HNRNPM: variants seen among roughly 807,000 people sequenced by gnomAD.
HNRNPM encodes CEA receptor.
Under a neutral mutation model 73.1 loss-of-function variants are expected in HNRNPM, and 11 were observed. The ratio of observed to expected loss-of-function variants is 0.15; its 90% confidence interval spans 0.09 to 0.25. The LOEUF is 0.25. HNRNPM is among the 10% of genes least tolerant of loss of function. The pLI, the probability that HNRNPM is intolerant of heterozygous loss-of-function variation, is 1.00. For synonymous variants in HNRNPM, 407 were observed against 355.2 expected, an observed-to-expected ratio of 1.15 and a Z score of -1.64; for missense variants, 789 against 1,067.9, an observed-to-expected ratio of 0.74 and a Z score of 3.64.
At chr19:8,464,852 C>T (rs971999575) in intron 5 of HNRNPM, among the ~76,000 whole-genome samples, 4 of 152,178 alleles carry the variant, frequency 2.6e-5, no homozygotes, top group Admixed American at 2.0e-4. Context: ...CCCTCACACA[C>T]ACGCCTCCAA....
chr19:8,447,763 A>C (rs1169729599), intron 1 of HNRNPM, among the ~76,000 whole-genome samples: 1 of 152,198 alleles, frequency 6.6e-6, no homozygotes, highest in Non-Finnish European at 1.5e-5. Context: ...CCGGCGGCTC[A>C]CGCCTGTAAT....
intron 10 of HNRNPM, among the ~76,000 whole-genome samples, chr19:8,472,136 A>G (rs934953023): frequency 6.7e-6 from 1 of 149,502 alleles, no homozygotes; most frequent in Non-Finnish European, 1.5e-5. Context: ...ACATGACTGC[A>G]CTTCAGCCTG....
chr19:8,448,013 G>A (rs1333446612), intron 1 of HNRNPM, among the ~76,000 whole-genome samples: 2 of 152,192 alleles, frequency 1.3e-5, no homozygotes, highest in Non-Finnish European at 2.9e-5. Flanking sequence ...GCGACAGAGC[G>A]ATACTCCTTC....
chr19:8,485,771 A>G lies in HNRNPM; in HGVS notation c.1343A>G (p.Glu448Gly), dbSNP rs571538784. The G allele has an allele frequency of 1.9e-5, 30 of 1,600,250 alleles. No homozygotes were observed. Among genetic ancestry groups the G allele is most frequent in the Non-Finnish European group, 2.4e-5 (28 of 1,178,298 alleles). The change falls in exon 14 of 16, where the codon GAG becomes GGG. Residue 448 changes from glutamate to glycine, a missense_variant. By Grantham distance (98) the Glu-to-Gly change is moderately conservative. Coordinates refer to ENST00000325495, the MANE Select transcript of HNRNPM (RefSeq NM_005968.5). ...GTCATGGACCGCATGGGCTCCGTGGAGCGCATGGGCTCCGGCATTGAGCGC... is the reference window on the plus strand; with the variant it reads ...GTCATGGACCGCATGGGCTCCGTGGGGCGCATGGGCTCCGGCATTGAGCGC... Reference protein sequence around the residue: ...GLVMDRMGSVERMGSGIERMG... With the variant: ...GLVMDRMGSVGRMGSGIERMG...
At chr19:8,470,338 C>CT (rs1970042916) in intron 9 of HNRNPM, among the ~76,000 whole-genome samples, 1 of 151,974 alleles carries the variant, frequency 6.6e-6, no homozygotes. Context: ...CTTCCTTTTT[C>CT]TTTCTTTTTG....
chr19:8,473,865 G>T (rs1004945479), intron 11 of HNRNPM, among the ~76,000 whole-genome samples, 157 bp downstream of exon 11: 3 of 152,076 alleles, frequency 2.0e-5, no homozygotes, highest in East Asian at 3.9e-4. Flanking sequence ...CTTCCAGCGG[G>T]TGTCTTGGCT....
chr19:8,464,668 C>T (rs1332196772), intron 5 of HNRNPM, among the ~76,000 whole-genome samples: 1 of 152,172 alleles, frequency 6.6e-6, no homozygotes, highest in South Asian at 2.1e-4. Context: ...TTCACCTCTT[C>T]TCTTGGGGAG....
At chr19:8,448,412 T>A (rs6603080) in intron 1 of HNRNPM, among the ~76,000 whole-genome samples, 141,890 of 151,952 alleles carry the variant, frequency 0.93, 67,035 homozygotes, top group South Asian at 1. Context: ...GTTTTTAAAA[T>A]TTTTTTAAAT....
At chr19:8,471,941 G>C (rs1970170475) in intron 10 of HNRNPM, among the ~76,000 whole-genome samples, 1 of 152,178 alleles carries the variant, frequency 6.6e-6, no homozygotes, top group South Asian at 2.1e-4. Context: ...GGGAGGCCGA[G>C]GTGGGCGGAT....
At chr19:8,469,677 G>A (rs17159303) in intron 9 of HNRNPM, among the ~76,000 whole-genome samples, 33,199 of 152,156 alleles carry the variant, frequency 0.22, 4,546 homozygotes, top group East Asian at 0.5. Context: ...TGCATACAGC[G>A]GTGGGACGAC....
At chr19:8,448,809 T>A (rs1295276156) in intron 1 of HNRNPM, among the ~76,000 whole-genome samples, 1 of 152,152 alleles carries the variant, frequency 6.6e-6, no homozygotes, top group East Asian at 1.9e-4. Context: ...TGTGGGTGAA[T>A]AAGAAACAGA....
At chr19:8,453,865 C>G (rs1158862233) in intron 1 of HNRNPM, among the ~76,000 whole-genome samples, 2 of 152,210 alleles carry the variant, frequency 1.3e-5, no homozygotes, top group Admixed American at 1.3e-4. Flanking sequence ...TGGCTGCTAC[C>G]TAGAGATGGT....
At chr19:8,485,580 T>TGTGTTTTGTGTCCCTGTTTCAG in intron 13 of HNRNPM, 23 bp from the exon 14 acceptor site, 1 of 1,587,676 alleles carries the variant, frequency 6.3e-7, no homozygotes, top group Non-Finnish European at 8.6e-7. Flanking sequence ...GACACCCACC[T>TGTGTTTTGTGTCCCTGTTTCAG]GTGTTTTGTG....
chr19:8,474,799 C>G (rs1488065824), intron 12 of HNRNPM, among the ~76,000 whole-genome samples: 2 of 151,716 alleles, frequency 1.3e-5, no homozygotes, highest in East Asian at 1.9e-4. Flanking sequence ...ACTGCAACCT[C>G]CGCCTCCCAG....
intron 7 of HNRNPM, among the ~76,000 whole-genome samples, 159 bp from the exon 8 acceptor site, chr19:8,467,376 C>G (rs373392946): frequency 6.6e-6 from 1 of 152,130 alleles, no homozygotes; most frequent in Non-Finnish European, 1.5e-5. Flanking sequence ...TTTATTGTTC[C>G]TTTTATGTTT....
Position 8,485,773 on chromosome 19 carries a change from C to G in HNRNPM, c.1345C>G (p.Arg449Gly), listed in dbSNP as rs1397210961. ...CATGGACCGCATGGGCTCCGTGGAG[C>G]GCATGGGCTCCGGCATTGAGCGCAT... ...LVMDRMGSVE[R>G]MGSGIERMGP... Residue 449 changes from arginine (R) to glycine (G), a missense_variant, in exon 14 of 16, where the codon CGC becomes GGC. Arg to Gly is a moderately radical substitution (Grantham distance 125). This residue lies in a region of HNRNPM where 604 missense variants were observed against 744.0 expected (regional missense o/e 0.81). Coordinates refer to ENST00000325495, the MANE Select transcript of HNRNPM (RefSeq NM_005968.5). 1.9e-6 allele frequency: 3 copies of G among 1,603,218 alleles called. No homozygotes were observed. In the African/African-American group the frequency reaches 4.0e-5, roughly 22 times the overall value.
intron 12 of HNRNPM, among the ~76,000 whole-genome samples, chr19:8,477,660 CA>C (rs35193948): frequency 1.5e-4 from 18 of 117,068 alleles, no homozygotes; most frequent in African/African-American, 6.7e-4. Flanking sequence ...AACCCTGTCT[CA>C]AAAAAAAAAA....
At chr19:8,469,980 T>C (rs1474624892) in intron 9 of HNRNPM, among the ~76,000 whole-genome samples, 3 of 152,234 alleles carry the variant, frequency 2.0e-5, no homozygotes, top group Admixed American at 6.5e-5. Context: ...AAGGATTGCA[T>C]TTCCTGGACA....
At chr19:8,469,625 CAG>C (rs745764751) in intron 9 of HNRNPM, among the ~76,000 whole-genome samples, 1 of 152,192 alleles carries the variant, frequency 6.6e-6, no homozygotes, top group South Asian at 2.1e-4. Flanking sequence ...AATATTAGTG[CAG>C]AGTCATAGAT....
Sources: gnomAD v4.1 joint callset for allele counts (sites outside exome capture counted in the v4.1 genomes callset) on GRCh38, gnomAD v4.1.1 for gene constraint, gnomAD v4.1.1 regional missense constraint, MANE v1.5 for transcripts, NCBI Gene and HGNC (gene_info 2026-07-23, HGNC 2026-07-21) for gene names.